Variants in NPAS3 observed in about 807,000 individuals in gnomAD.
NPAS3 encodes neuronal PAS domain protein 3.
A neutral mutation model predicts 73.1 loss-of-function variants in NPAS3; 14 were observed. The ratio of observed to expected loss-of-function variants is 0.19; its 90% CI spans 0.13 to 0.30. The LOEUF is 0.30. Ranked by LOEUF, NPAS3 falls within the 10% of genes least tolerant of loss-of-function variation. The probability of loss-of-function intolerance (pLI) is 1.00; values close to 1 mark genes in which losing one functional copy is unlikely to be tolerated. For missense variants in NPAS3, 1,096 were observed against 1,250.0 expected, an observed-to-expected ratio of 0.88 and a Z score of 1.86; for synonymous variants, 620 against 541.5, an observed-to-expected ratio of 1.14 and a Z score of -2.01.
chr14:33,444,147 G>A (rs2049377333), intron 4 of NPAS3, among the ~76,000 whole-genome samples: 1 of 152,174 alleles, frequency 6.6e-6, no homozygotes, highest in African/African-American at 2.4e-5. Flanking sequence ...ATGTCTGTCT[G>A]TTCACTATGC....
chr14:33,263,163 C>T (rs2049036037), intron 3 of NPAS3, among the ~76,000 whole-genome samples: 1 of 152,150 alleles, frequency 6.6e-6, no homozygotes, highest in South Asian at 2.1e-4. Flanking sequence ...GTTGCCATTG[C>T]TTTTGGTGTT....
intron 10 of NPAS3, among the ~76,000 whole-genome samples, chr14:33,794,949 C>T (rs1275219892): frequency 2.0e-5 from 3 of 152,140 alleles, no homozygotes; most frequent in Non-Finnish European, 2.9e-5. Flanking sequence ...AGAGCCCACA[C>T]GTGGTCTGAG....
intron 9 of NPAS3, among the ~76,000 whole-genome samples, chr14:33,787,277 GAAGAA>G (rs1457582963): frequency 5.9e-5 from 9 of 152,132 alleles, no homozygotes; most frequent in Non-Finnish European, 1.2e-4. Context: ...ACATTATCAT[GAAGAA>G]AAGGGGAATT....
intron 5 of NPAS3, among the ~76,000 whole-genome samples, chr14:33,649,251 C>CTGTT (rs1468406012): frequency 1.3e-5 from 2 of 152,212 alleles, no homozygotes; most frequent in African/African-American, 4.8e-5. Flanking sequence ...TCACATGGGG[C>CTGTT]TGTTTAACTG....
At chr14:33,150,226 C>T (rs2044397284) in intron 2 of NPAS3, among the ~76,000 whole-genome samples, 2 of 152,142 alleles carry the variant, frequency 1.3e-5, no homozygotes, top group Admixed American at 6.5e-5. Flanking sequence ...ATGTAACTTA[C>T]CCCTCAGGCA....
chr14:33,112,094 A>G (rs1379086465), intron 2 of NPAS3, among the ~76,000 whole-genome samples: 3 of 152,076 alleles, frequency 2.0e-5, no homozygotes, highest in Admixed American at 6.6e-5. Context: ...GTTGGATCCA[A>G]GTCTTTGCTA....
intron 2 of NPAS3, among the ~76,000 whole-genome samples, chr14:33,063,811 G>A (rs2041189128): frequency 6.6e-6 from 1 of 152,154 alleles, no homozygotes; most frequent in African/African-American, 2.4e-5. Context: ...TTGGCATATA[G>A]TAAACATACA....
In NPAS3 at chr14:33,262,518, G is replaced by C. The variant is rs555999857; in HGVS notation, c.385+47092G>C. On this transcript the variant is annotated intron_variant, in intron 3 of 11. Coordinates refer to ENST00000356141, the Ensembl canonical transcript of NPAS3. ...TTTAAGTGATTTTCAATCAAATCAT[G>C]ATGAAATGTTAAAATTGTTACCTTG... 4.6e-5 allele frequency among the ~76,000 whole-genome samples: 7 copies of C among 152,264 alleles called. No individual in the cohort carries two copies. In the East Asian group the frequency reaches 1.4e-3, roughly 29 times the overall value.
At chr14:33,609,324 T>G (rs960902591) in intron 5 of NPAS3, among the ~76,000 whole-genome samples, 1 of 152,192 alleles carries the variant, frequency 6.6e-6, no homozygotes, top group Non-Finnish European at 1.5e-5. Context: ...AAAAATGTTG[T>G]TGGTGTTCTG....
At chr14:33,175,228 G>A (rs1237902036) in intron 2 of NPAS3, among the ~76,000 whole-genome samples, 1 of 152,058 alleles carries the variant, frequency 6.6e-6, no homozygotes, top group South Asian at 2.1e-4. Flanking sequence ...AAATGTTTTT[G>A]ACAAAGTTTT....
chr14:33,734,586 C>T (rs2061479100), intron 6 of NPAS3, among the ~76,000 whole-genome samples: 1 of 152,092 alleles, frequency 6.6e-6, no homozygotes, highest in Non-Finnish European at 1.5e-5. Context: ...TGTAAAGTGA[C>T]AGGAATGGAA....
Position 33,800,768 on chromosome 14 carries a change from C to A in NPAS3, c.2461C>A (p.Gln821Lys). ...CCTGGCCGCCACCAGCACGGCCGCGCAGAGGGTCTACACCACGGGCACCAT... is the reference window on the plus strand; with the variant it reads ...CCTGGCCGCCACCAGCACGGCCGCGAAGAGGGTCTACACCACGGGCACCAT... The change falls in exon 12 of 12, where the codon CAG becomes AAG. Residue 821 changes from glutamine to lysine, a missense_variant. Physicochemically the swap from Gln to Lys is moderately conservative, Grantham distance 53. Around this residue, in one of 5 missense-constraint regions of NPAS3, gnomAD observed 698 missense variants for 676.7 expected, o/e 1.03. Coordinates refer to ENST00000356141, the Ensembl canonical transcript of NPAS3. The surrounding 1 kb of genome is among the most constrained non-coding windows in gnomAD (Gnocchi z 6.5). The A allele has an allele frequency of 6.3e-7, 1 of 1,575,204 alleles. No individual in the cohort carries two copies. The highest frequency in any genetic ancestry group is 8.6e-7 in the Non-Finnish European group (1 of 1,162,038).
intron 3 of NPAS3, among the ~76,000 whole-genome samples, chr14:33,348,390 G>A (rs1170663228): frequency 1.3e-5 from 2 of 152,066 alleles, no homozygotes; most frequent in Non-Finnish European, 2.9e-5. Context: ...ATGGATAAAT[G>A]TCTTTAAACC....
intron 2 of NPAS3, among the ~76,000 whole-genome samples, chr14:33,194,020 C>T (rs573867069): frequency 6.6e-6 from 1 of 152,246 alleles, no homozygotes; most frequent in African/African-American, 2.4e-5. Flanking sequence ...AAAATGGTGA[C>T]CACATGTTGA....
At chr14:33,794,863 A>G (rs900313743) in intron 10 of NPAS3, among the ~76,000 whole-genome samples, 1 of 152,098 alleles carries the variant, frequency 6.6e-6, no homozygotes, top group African/African-American at 2.4e-5. Context: ...TTCTCCACCA[A>G]TCCTGCACTT....
intron 5 of NPAS3, among the ~76,000 whole-genome samples, chr14:33,615,149 G>T (rs559058543): frequency 2.0e-5 from 3 of 152,158 alleles, no homozygotes; most frequent in African/African-American, 7.2e-5. Context: ...CATGGCCCGC[G>T]GATTAGGTTT....
intron 7 of NPAS3, among the ~76,000 whole-genome samples, chr14:33,744,766 G>A (rs576711671): frequency 1.3e-5 from 2 of 151,820 alleles, no homozygotes; most frequent in East Asian, 1.9e-4. Flanking sequence ...CTCCAGCCTG[G>A]ACAACAGAGT....
At chr14:33,011,198 T>C (rs2039182727) in intron 1 of NPAS3, among the ~76,000 whole-genome samples, 1 of 152,242 alleles carries the variant, frequency 6.6e-6, no homozygotes. Context: ...TTTTTCACCA[T>C]GCATTTGTAT....
chr14:33,573,179 T>C (rs2056296895), intron 5 of NPAS3, among the ~76,000 whole-genome samples: 1 of 152,108 alleles, frequency 6.6e-6, no homozygotes, highest in East Asian at 1.9e-4. Context: ...AAGTAATCAA[T>C]AAAACAGGTC....
Sources: allele counts gnomAD v4.1 joint callset (sites outside exome capture counted in the v4.1 genomes callset), GRCh38; gene constraint gnomAD v4.1.1; regional missense constraint gnomAD v4.1.1; non-coding constraint Gnocchi (gnomAD v3.1); transcripts MANE v1.5; gene names NCBI Gene and HGNC (gene_info 2026-07-23, HGNC 2026-07-21).